The following XIRP2 variants were observed in gnomAD, a reference collection of about 807,000 sequenced individuals.
XIRP2 encodes xin actin binding repeat containing 2.
A neutral mutation model predicts 277.0 loss-of-function variants in XIRP2; 236 were observed. The ratio of observed to expected loss-of-function variants is 0.85; its 90% CI spans 0.77 to 0.95. The LOEUF (loss-of-function observed/expected upper bound fraction) is 0.95, where lower values mean the gene tolerates loss of function less well. Ranked by LOEUF, XIRP2 falls within the 40% of genes least tolerant of loss-of-function variation. XIRP2 has a pLI of 0.00. For missense variants in XIRP2, 4,640 were observed against 4,157.5 expected, an observed-to-expected ratio of 1.12 and a Z score of -3.19; for synonymous variants, 1,490 against 1,416.5, an observed-to-expected ratio of 1.05 and a Z score of -1.17.
At chr2:166,978,714 G>T (rs764977623) in intron 2 of XIRP2, among the ~76,000 whole-genome samples, 29 of 152,084 alleles carry the variant, frequency 1.9e-4, no homozygotes, top group Non-Finnish European at 3.8e-4. Context: ...CAGACATGGT[G>T]GCTCACGCCT....
intron 5 of XIRP2, among the ~76,000 whole-genome samples, chr2:167,232,025 C>A (rs182057682): frequency 2.0e-5 from 3 of 152,100 alleles, no homozygotes; most frequent in South Asian, 2.1e-4. Context: ...ACACTCTCCA[C>A]CCCTGCCACC....
chr2:167,103,139 A>C (rs1690530372), intron 2 of XIRP2, among the ~76,000 whole-genome samples: 1 of 152,192 alleles, frequency 6.6e-6, no homozygotes, highest in African/African-American at 2.4e-5. Context: ...ATCCTGTCTC[A>C]AAAAAGGAAA....
intron 2 of XIRP2, among the ~76,000 whole-genome samples, chr2:167,011,092 G>C (rs992407444): frequency 1.8e-4 from 27 of 150,768 alleles, no homozygotes; most frequent in African/African-American, 6.3e-4. Context: ...GCCCTGGCCA[G>C]AACTTCCAAC....
At chr2:167,059,788 G>A (rs146458018) in intron 2 of XIRP2, among the ~76,000 whole-genome samples, 1 of 152,216 alleles carries the variant, frequency 6.6e-6, no homozygotes, top group East Asian at 1.9e-4. Context: ...CATCCCCTCC[G>A]ACACTAAATC....
At chr2:167,029,813 C>A (rs149388633) in intron 2 of XIRP2, among the ~76,000 whole-genome samples, 4,588 of 152,052 alleles carry the variant, frequency 0.03, 78 homozygotes, top group East Asian at 0.081. Flanking sequence ...TGGTAGAATT[C>A]GGCTGTGAAT....
chr2:166,973,747 G>A (rs78741357), intron 2 of XIRP2, among the ~76,000 whole-genome samples: 2,563 of 152,232 alleles, frequency 0.017, 67 homozygotes, highest in African/African-American at 0.057. Flanking sequence ...ACTGCATTAA[G>A]TCATTTATGT....
Position 167,249,688 on chromosome 2 carries a change from C to T in XIRP2, c.8296C>T (p.Leu2766=), listed in dbSNP as rs763649471. The T allele has an allele frequency of 5.6e-6, 9 of 1,613,466 alleles. No homozygotes were observed. Among genetic ancestry groups the T allele is most frequent in the Non-Finnish European group, 6.8e-6 (8 of 1,179,758 alleles). Residue 2766 remains leucine (L), a synonymous_variant, in exon 9 of 11, where the codon CTG becomes TTG. Coordinates refer to ENST00000409195, the MANE Select transcript of XIRP2 (RefSeq NM_152381.6). ...ASTECSHKQS[L]AERHYQLPKK... ...CACTGAATGTAGTCATAAGCAATCTCTGGCTGAAAGACATTATCAGTTACC... is the reference window on the plus strand; with the variant it reads ...CACTGAATGTAGTCATAAGCAATCTTTGGCTGAAAGACATTATCAGTTACC...
At chr2:167,026,003 G>A (rs778894353) in intron 2 of XIRP2, among the ~76,000 whole-genome samples, 5 of 151,954 alleles carry the variant, frequency 3.3e-5, no homozygotes, top group Admixed American at 6.6e-5. Context: ...CAATTCCTGG[G>A]TATCCTTGTT....
chr2:167,031,771 G>A (rs889398850), intron 2 of XIRP2, among the ~76,000 whole-genome samples: 1 of 151,996 alleles, frequency 6.6e-6, no homozygotes, highest in Admixed American at 6.6e-5. Flanking sequence ...TCTTCCAGGA[G>A]AACTAGAAAC....
chr2:167,201,336 G>A (rs190097067), intron 3 of XIRP2, among the ~76,000 whole-genome samples: 38 of 149,066 alleles, frequency 2.5e-4, no homozygotes, highest in South Asian at 8.7e-4. Flanking sequence ...AAGGAAGGAA[G>A]GAAGGAAAGA....
intron 2 of XIRP2, among the ~76,000 whole-genome samples, chr2:167,008,083 A>G (rs1446631174): frequency 1.3e-5 from 2 of 151,618 alleles, no homozygotes; most frequent in South Asian, 2.1e-4. Flanking sequence ...CCATGAAGCC[A>G]GGAGCCATCC....
chr2:167,079,989 A>C (rs539939328), intron 2 of XIRP2, among the ~76,000 whole-genome samples: 49 of 151,392 alleles, frequency 3.2e-4, no homozygotes, highest in African/African-American at 1.1e-3. Flanking sequence ...TTTTAATTTG[A>C]GATCTGACTT....
intron 3 of XIRP2, among the ~76,000 whole-genome samples, chr2:167,168,943 T>C (rs1692602759): frequency 6.6e-6 from 1 of 152,184 alleles, no homozygotes; most frequent in Non-Finnish European, 1.5e-5. Context: ...ATATTAATCA[T>C]AGTTATTTTA....
In XIRP2 at chr2:167,242,591, C is replaced by A; in HGVS notation, c.1199C>A (p.Thr400Asn). ...QIKTESEYEE[T>N]FKPSSVVSTS... ...AAGACTGAAAGTGAATATGAAGAGA[C>A]TTTCAAGCCATCATCAGTTGTGAGT... The change falls in exon 9 of 11, where the codon ACT becomes AAT. Residue 400 changes from threonine (T) to asparagine (N), a missense_variant. Coordinates refer to ENST00000409195, the MANE Select transcript of XIRP2 (RefSeq NM_152381.6). 2.5e-6 allele frequency: 4 copies of A among 1,612,800 alleles called. No individual in the cohort carries two copies. Among genetic ancestry groups the A allele is most frequent in the Non-Finnish European group, 3.4e-6 (4 of 1,179,260 alleles).
intron 2 of XIRP2, among the ~76,000 whole-genome samples, chr2:167,115,400 C>G (rs1392022633): frequency 6.6e-6 from 1 of 152,104 alleles, no homozygotes; most frequent in Non-Finnish European, 1.5e-5. Flanking sequence ...GGAACTAATG[C>G]ATTCATTTAG....
intron 2 of XIRP2, among the ~76,000 whole-genome samples, chr2:166,930,716 C>A (rs1685312754): frequency 6.6e-6 from 1 of 152,136 alleles, no homozygotes; most frequent in Non-Finnish European, 1.5e-5. Flanking sequence ...TTCTGTATCT[C>A]TAAAATGAGG....
intron 2 of XIRP2, among the ~76,000 whole-genome samples, chr2:166,944,253 G>T (rs1685795185): frequency 6.6e-6 from 1 of 152,088 alleles, no homozygotes; most frequent in Admixed American, 6.5e-5. Flanking sequence ...ACTGTCATTA[G>T]TCCATTCATT....
chr2:167,064,866 A>G (rs1363781947), intron 2 of XIRP2, among the ~76,000 whole-genome samples: 1 of 151,922 alleles, frequency 6.6e-6, no homozygotes, highest in Non-Finnish European at 1.5e-5. Context: ...ATCTTCCACT[A>G]TAGGTATATA....
chr2:167,258,589 T>G lies in XIRP2; in HGVS notation c.*772T>G. The G allele has an allele frequency of 6.2e-7, 1 of 1,613,060 alleles. No individual in the cohort carries two copies. The highest frequency in any genetic ancestry group is 8.5e-7 in the Non-Finnish European group (1 of 1,179,558). ...AAAATGAAAAAACTAACCAAACTAATGGTGCAGAAGTTTTACAGGTTACTA... is the reference window on the plus strand; with the variant it reads ...AAAATGAAAAAACTAACCAAACTAAGGGTGCAGAAGTTTTACAGGTTACTA... On this transcript the variant is annotated 3_prime_UTR_variant, in exon 11 of 11. Transcript: ENST00000409195.
Sources: gnomAD v4.1 joint callset for allele counts (sites outside exome capture counted in the v4.1 genomes callset) on GRCh38, gnomAD v4.1.1 for gene constraint, MANE v1.5 for transcripts, NCBI Gene and HGNC (gene_info 2026-07-23, HGNC 2026-07-21) for gene names.